TET1: variants seen among roughly 807,000 people sequenced by gnomAD.
TET1 encodes the protein tet methylcytosine dioxygenase 1.
Under a neutral mutation model 148.7 loss-of-function variants are expected in TET1, and 13 were observed. The ratio of observed to expected loss-of-function variants is 0.09; its 90% CI spans 0.06 to 0.14. The LOEUF (loss-of-function observed/expected upper bound fraction) is 0.14, where lower values mean the gene tolerates loss of function less well. TET1 is among the 10% of genes least tolerant of loss of function. The pLI is 1.00. For missense variants in TET1, 2,182 were observed against 2,553.8 expected, an observed-to-expected ratio of 0.85 and a Z score of 3.14; for synonymous variants, 907 against 937.2, an observed-to-expected ratio of 0.97 and a Z score of 0.59.
At position 68,682,908 on chromosome 10, in the gene TET1, G is replaced by A; in HGVS notation, c.4987G>A (p.Ala1663Thr). 1 of 1,614,024 alleles carries A rather than the reference G, an allele frequency of 6.2e-7. No individual in the cohort carries two copies. Among genetic ancestry groups the A allele is most frequent in the Non-Finnish European group, 8.5e-7 (1 of 1,179,998 alleles). ...AGGTCGTCCCTTCTCTGGGGTCACTGCTTGCCTGGACTTCTGTGCTCATCC... is the reference window on the plus strand; with the variant it reads ...AGGTCGTCCCTTCTCTGGGGTCACTACTTGCCTGGACTTCTGTGCTCATCC... ...KEGRPFSGVT[A>T]CLDFCAHPHR... is the part of the protein sequence containing the mutation. The change falls in exon 10 of 12, where the codon GCT becomes ACT. Residue 1663 changes from alanine (A) to threonine (T), a missense_variant. Coordinates refer to ENST00000373644, the MANE Select transcript of TET1 (RefSeq NM_030625.3).
chr10:68,631,341 G>A (rs937672330), intron 3 of TET1, among the ~76,000 whole-genome samples: 1 of 151,858 alleles, frequency 6.6e-6, no homozygotes, highest in Non-Finnish European at 1.5e-5. Context: ...GACAGTGATT[G>A]CAGACAATTA....
chr10:68,654,603 T>C (rs763411876), intron 6 of TET1, among the ~76,000 whole-genome samples: 4 of 151,200 alleles, frequency 2.6e-5, no homozygotes, highest in Non-Finnish European at 5.9e-5. Flanking sequence ...GGAGACAGAG[T>C]GAGACTCCGT....
At chr10:68,638,765 TTGTG>T (rs59106736) in intron 3 of TET1, among the ~76,000 whole-genome samples, 13,390 of 140,748 alleles carry the variant, frequency 0.095, 657 homozygotes, top group Non-Finnish European at 0.12. Context: ...TGTATGGAGT[TTGTG>T]TGTGTGTGTG....
At chr10:68,598,332 A>C (rs925943668) in intron 2 of TET1, among the ~76,000 whole-genome samples, 1 of 152,372 alleles carries the variant, frequency 6.6e-6, no homozygotes, top group African/African-American at 2.4e-5. Flanking sequence ...CGGAGGTTGC[A>C]GTGAGCTGAG....
chr10:68,602,990 A>T (rs1382599514), intron 3 of TET1, among the ~76,000 whole-genome samples: 1 of 152,204 alleles, frequency 6.6e-6, no homozygotes, highest in Admixed American at 6.5e-5. Flanking sequence ...GTAGAATATT[A>T]TATAATCCTA....
chr10:68,574,309 T>C, intron 2 of TET1, 57 bp downstream of exon 2: 2 of 1,400,034 alleles, frequency 1.4e-6, no homozygotes, highest in South Asian at 1.3e-5. Context: ...GTGATCTATA[T>C]GCAGAGACAC....
chr10:68,642,487 G>A (rs2054772517), intron 3 of TET1, among the ~76,000 whole-genome samples: 1 of 152,038 alleles, frequency 6.6e-6, no homozygotes, highest in East Asian at 1.9e-4. Flanking sequence ...GAAATAGGGA[G>A]TGATTGCTTA....
chr10:68,639,746 G>A (rs940620408), intron 3 of TET1, among the ~76,000 whole-genome samples: 6 of 152,074 alleles, frequency 3.9e-5, no homozygotes, highest in African/African-American at 1.2e-4. Context: ...GAATACAGGC[G>A]TGAGCCACCA....
Position 68,620,407 on chromosome 10 carries a change from C to T in TET1, c.1968+19373C>T, listed in dbSNP as rs558213209. On this transcript the variant is annotated intron_variant, in intron 3 of 11. Coordinates refer to ENST00000373644, the MANE Select transcript of TET1 (RefSeq NM_030625.3). ...CTATTCCAGACATTTCAAACAATGG[C>T]ATCATATAGTACGTGATACTTAGTG... is the stretch of plus-strand genomic sequence containing the variant. 9.2e-5 allele frequency among the ~76,000 whole-genome samples: 14 copies of T among 152,282 alleles called. No individual in the cohort carries two copies. The South Asian group carries it at 2.9e-3, about 32-fold the overall frequency.
intron 11 of TET1, among the ~76,000 whole-genome samples, chr10:68,688,265 T>G (rs1325458390): frequency 1.3e-5 from 2 of 150,240 alleles, no homozygotes; most frequent in Non-Finnish European, 3.0e-5. Context: ...GCCCAGTTAA[T>G]TTTTGTATTT....
Position 68,651,949 on chromosome 10 carries a change from GC to G in TET1, c.4367+14del, listed in dbSNP as rs771315451. 24 of 1,605,310 alleles carry G rather than the reference GC, an allele frequency of 1.5e-5. 2 individuals are homozygous for G. The South Asian group carries it at 2.7e-4, about 18-fold the overall frequency. On this transcript the variant is annotated intron_variant, in intron 5 of 11. Transcript: ENST00000373644. ...TCATGGAGAATAGGTGAGGAAATAC[GC>G]TTCCCTGTTAAAATCATTCTTACTG...
chr10:68,676,914 A>C (rs1180568580), intron 8 of TET1, among the ~76,000 whole-genome samples: 2 of 152,346 alleles, frequency 1.3e-5, no homozygotes, highest in East Asian at 3.9e-4. Context: ...ATCCTGAGGC[A>C]TTCTTAAAAT....
intron 8 of TET1, among the ~76,000 whole-genome samples, chr10:68,678,716 C>A (rs7071381): frequency 0.77 from 115,969 of 151,376 alleles, 44,917 homozygotes; most frequent in Middle Eastern, 0.84. Context: ...CACCACTGCA[C>A]CCCCCCACAC....
chr10:68,632,384 C>G, intron 3 of TET1: 1 of 1,606,470 alleles, frequency 6.2e-7, no homozygotes, highest in South Asian at 1.1e-5. Context: ...GCCTCCACGC[C>G]GGAGCCCGGT....
At chr10:68,668,313 G>C (rs1382076768) in intron 7 of TET1, among the ~76,000 whole-genome samples, 1 of 152,104 alleles carries the variant, frequency 6.6e-6, no homozygotes, top group African/African-American at 2.4e-5. Context: ...ATGTTGAGTG[G>C]TATTTAGGCA....
At chr10:68,568,289 C>T (rs2133673663) in intron 1 of TET1, among the ~76,000 whole-genome samples, 1 of 133,392 alleles carries the variant, frequency 7.5e-6, no homozygotes, top group East Asian at 2.4e-4. Context: ...ATGGTGCGAT[C>T]TTGGCTCCCT....
intron 2 of TET1, among the ~76,000 whole-genome samples, chr10:68,591,056 T>C (rs1164019174): frequency 2.0e-5 from 3 of 152,068 alleles, no homozygotes; most frequent in South Asian, 2.1e-4. Context: ...GGTTTCTTCA[T>C]GTTGGTCAGG....
chr10:68,561,823 C>A (rs1357260838), intron 1 of TET1, among the ~76,000 whole-genome samples: 2 of 151,404 alleles, frequency 1.3e-5, no homozygotes, highest in African/African-American at 2.4e-5. Flanking sequence ...TCCACGTGAA[C>A]GAGAAACCCA....
intron 1 of TET1, among the ~76,000 whole-genome samples, chr10:68,563,001 C>G (rs1354445246): frequency 6.6e-6 from 1 of 152,102 alleles, no homozygotes; most frequent in Admixed American, 6.5e-5. Flanking sequence ...TCGTTTTTGG[C>G]CTTTTTTGTT....
Sources: allele counts gnomAD v4.1 joint callset (sites outside exome capture counted in the v4.1 genomes callset), GRCh38; gene constraint gnomAD v4.1.1; transcripts MANE v1.5; gene names NCBI Gene and HGNC (gene_info 2026-07-23, HGNC 2026-07-21).